The following TTN variants were observed in gnomAD, a reference collection of about 807,000 sequenced individuals.
TTN encodes the protein connectin.
A neutral mutation model predicts 3,223.0 loss-of-function variants in TTN; 1,525 were observed. The ratio of observed to expected loss-of-function variants is 0.47; its 90% CI spans 0.45 to 0.49. TTN has a LOEUF of 0.49. Ranked by LOEUF, TTN falls within the 20% of genes least tolerant of loss-of-function variation. TTN has a pLI of 0.00. For synonymous variants in TTN, 14,094 were observed against 15,161.0 expected (o/e 0.93, Z 5.17); for missense variants, 40,786 against 43,424.0 (o/e 0.94, Z 5.40).
At chr2:178,687,056 G>C (rs1023428689) in intron 127 of TTN, among the ~76,000 whole-genome samples, 1 of 152,172 alleles carries the variant, frequency 6.6e-6, no homozygotes, top group Non-Finnish European at 1.5e-5. Context: ...CCTATTCCAA[G>C]GCATTCCACT....
intron 43 of TTN, among the ~76,000 whole-genome samples, chr2:178,760,028 G>A (rs1188936801): frequency 6.6e-6 from 1 of 152,104 alleles, no homozygotes; most frequent in African/African-American, 2.4e-5. Flanking sequence ...CTTGTTTTTG[G>A]AGCACAGTCA....
chr2:178,751,888 A>C, intron 47 of TTN: 1 of 1,604,724 alleles, frequency 6.2e-7, no homozygotes, highest in Non-Finnish European at 8.5e-7. Context: ...GGGTAAAAGA[A>C]GGCTTAAAAT....
chr2:178,786,644 G>A (rs1034624723), intron 13 of TTN, among the ~76,000 whole-genome samples: 3 of 152,072 alleles, frequency 2.0e-5, no homozygotes, highest in Non-Finnish European at 4.4e-5. Context: ...CATGCAAATC[G>A]GACATAACAT....
rs774562694 is a variant in TTN, at chr2:178,532,977, G to C, written c.103638C>G (p.Arg34546=). 6.2e-7 allele frequency: 1 copy of C among 1,613,846 alleles called. No individual in the cohort carries two copies. Among genetic ancestry groups the C allele is most frequent in the Admixed American group, 1.7e-5 (1 of 60,006 alleles). ...CTTCTATGGTAGTCTGCTTATACTT[G>C]CGTGGCTCTGGTACATCATAAGGCA... ...LRMPYDVPEP[R]KYKQTTIEED... Residue 34546 remains arginine, a synonymous_variant, in exon 358 of 363, where the codon CGC becomes CGG. Transcript: ENST00000589042.
intron 353 of TTN, 28 bp from the exon 354 acceptor site, chr2:178,538,867 G>A (rs765175404): frequency 6.3e-7 from 1 of 1,582,700 alleles, no homozygotes; most frequent in Non-Finnish European, 8.6e-7. Context: ...AATGAAAAGG[G>A]AGTCAGCTTT....
chr2:178,640,696 A>G, intron 220 of TTN, 66 bp from the exon 221 acceptor site: 1 of 1,309,146 alleles, frequency 7.6e-7, no homozygotes, highest in Admixed American at 2.5e-5. Flanking sequence ...CATCTGAAAT[A>G]TCAATTTATT....
chr2:178,770,917 T>G (rs1180896621), intron 34 of TTN: 1 of 789,216 alleles, frequency 1.3e-6, no homozygotes, highest in Non-Finnish European at 2.2e-6. Flanking sequence ...TGCATAGCTA[T>G]GTATTAGCAG....
intron 47 of TTN, chr2:178,744,709 A>G (rs2083143183): frequency 1.0e-6 from 1 of 981,000 alleles, no homozygotes; most frequent in Non-Finnish European, 1.2e-6. Flanking sequence ...AATTTTAAAG[A>G]TTCTGAAATC....
In TTN at chr2:178,770,095, C is replaced by A; in HGVS notation, c.8606G>T (p.Gly2869Val). 1 of 1,614,122 alleles carries A rather than the reference C, an allele frequency of 6.2e-7. No homozygotes were observed. Among genetic ancestry groups the A allele is most frequent in the Non-Finnish European group, 8.5e-7 (1 of 1,180,016 alleles). Residue 2869 changes from glycine (G) to valine (V), a missense_variant, in exon 36 of 363, where the codon GGG becomes GTG. Gly to Val is a moderately radical substitution (Grantham distance 109). Coordinates refer to ENST00000589042, the MANE Select transcript of TTN (RefSeq NM_001267550.2). ...CAGTTTTGCTTTGCATTCCAATTGC[C>A]CGACCACAGCTGTGTATTCCCCAGC... ...SDAGEYTAVV[G>V]QLECKAKLFV... is the part of the protein sequence containing the mutation.
In TTN at chr2:178,530,256, C is replaced by A; in HGVS notation, c.106359G>T (p.Trp35453Cys). ...ATGEPRPTAI[W>C]TKDGKAITQG... ...AACTGGTTACCTTTCCATCTTTTGT[C>A]CAGATGGCAGTTGGCCGGGGTTCTC... The change falls in exon 358 of 363, where the codon TGG becomes TGT. Residue 35453 changes from tryptophan (W) to cysteine (C), a missense_variant. Trp to Cys is a radical substitution (Grantham distance 215, BLOSUM62 -2). Coordinates refer to ENST00000589042, the MANE Select transcript of TTN (RefSeq NM_001267550.2). The A allele has an allele frequency of 6.2e-7, 1 of 1,602,574 alleles. No individual in the cohort carries two copies. The highest frequency in any genetic ancestry group is 8.5e-7 in the Non-Finnish European group (1 of 1,173,756).
At chr2:178,782,695 A>C (rs2092887256) in intron 18 of TTN, 93 bp from the exon 19 acceptor site, 6 of 1,604,706 alleles carry the variant, frequency 3.7e-6, no homozygotes, top group Non-Finnish European at 8.5e-7. Flanking sequence ...TCTCCCCCCA[A>C]GTTCCAAAAA....
intron 167 of TTN, 38 bp from the exon 168 acceptor site, chr2:178,664,575 A>G: frequency 1.2e-6 from 2 of 1,605,008 alleles, no homozygotes; most frequent in Non-Finnish European, 1.7e-6. Context: ...TAGAAGTTAC[A>G]AGAATCAACA....
At position 178,673,812 on chromosome 2, in the gene TTN, A is replaced by G. The variant is rs1269424790; in HGVS notation, c.34709-102T>C. The G allele has an allele frequency of 1.1e-5, 9 of 839,364 alleles. No individual in the cohort carries two copies. The Admixed American group carries it at 2.2e-4, about 20-fold the overall frequency. The allele number at this position is 839,364 out of a possible 1,614,324, so 52.0% of individuals were successfully genotyped here. A position where few individuals can be genotyped will look rare whatever the true frequency, so the allele number is the denominator to read the frequency against. ...TATCACAAAACATTGACTTATTTTT[A>G]AAAGATATTAGCAACCTAAATGGTA... is the stretch of plus-strand genomic sequence containing the variant. On this transcript the variant is annotated intron_variant, in intron 151 of 362. Coordinates refer to ENST00000589042, the MANE Select transcript of TTN (RefSeq NM_001267550.2).
rs55991022 is a variant in TTN at position 178,572,900 on chromosome 2, G to T, written c.73232C>A (p.Ala24411Asp). ...AGCCTTTGGAGTTCCAGGAACAAGG[G>T]CAGGTTCCCCAAGTCCTTCGGAATT... ...AMNSEGLGEP[A>D]LVPGTPKAED... Residue 24411 changes from alanine (A) to aspartate (D), a missense_variant, in exon 326 of 363, where the codon GCC becomes GAC. By Grantham distance (126) the Ala-to-Asp change is moderately radical (BLOSUM62 -2). Coordinates refer to ENST00000589042, the MANE Select transcript of TTN (RefSeq NM_001267550.2). 1.5e-5 allele frequency: 24 copies of T among 1,613,366 alleles called. No homozygotes were observed. Among genetic ancestry groups the T allele is most frequent in the Non-Finnish European group, 1.9e-5 (22 of 1,179,586 alleles).
rs768490325 is a variant in TTN, at chr2:178,607,064, G to A, written c.53538C>T (p.Gly17846=). 1.2e-6 allele frequency: 2 copies of A among 1,611,774 alleles called. No homozygotes were observed. Among genetic ancestry groups the A allele is most frequent in the East Asian group, 4.5e-5 (2 of 44,720 alleles). ...GAATTGGTCCTATTTCAACAGGAGG[G>A]CCACAGCCAAACTTGTTCTTGGCAA... ...RVIAKNKFGC[G]PPVEIGPILA... is the part of the protein sequence containing the mutation. The change falls in exon 278 of 363, where the codon GGC becomes GGT. Residue 17846 remains glycine (G), a synonymous_variant. Transcript: ENST00000589042.
rs771994374 is a variant in TTN at position 178,593,176 on chromosome 2, T to C, written c.59032A>G (p.Ile19678Val). The C allele has an allele frequency of 1.1e-5, 17 of 1,612,986 alleles. No homozygotes were observed. The highest frequency in any genetic ancestry group is 4.5e-5 in the East Asian group (2 of 44,730). The change falls in exon 299 of 363, where the codon ATT becomes GTT. Residue 19678 changes from isoleucine (I) to valine (V), a missense_variant. Transcript: ENST00000589042. ...PSKPVFAKDPIAKPSPPVNPE... is the reference protein window; with the variant it reads ...PSKPVFAKDPVAKPSPPVNPE... ...AATAAATCCATTAATACTATACCAA[T>C]TGGATCTTTAGCAAAGACTGGTTTG...
chr2:178,638,787 T>C (rs921581603), intron 223 of TTN, among the ~76,000 whole-genome samples: 4 of 152,012 alleles, frequency 2.6e-5, no homozygotes, highest in African/African-American at 9.7e-5. Flanking sequence ...AAAAAATAAT[T>C]TCAACTTTTA....
At position 178,689,298 on chromosome 2, in the gene TTN, G is replaced by A. The variant is rs753808404; in HGVS notation, c.32003C>T (p.Pro10668Leu). 9.3e-6 allele frequency: 15 copies of A among 1,611,526 alleles called. No individual in the cohort carries two copies. The highest frequency in any genetic ancestry group is 1.0e-5 in the Non-Finnish European group (12 of 1,179,368). ...VPRKEEEVPPPPKVPALPKKP... is the reference protein window; with the variant it reads ...VPRKEEEVPPLPKVPALPKKP... The stretch of plus-strand genomic sequence containing the variant: ...AGATGGAGAAACAATACCTTTTGGT[G>A]GTGGTGGAACTTCTTCCTCCTTCCG... The change falls in exon 124 of 363, where the codon CCA (proline) becomes CTA (leucine). Residue 10668 changes from proline (P) to leucine (L), a missense_variant. Coordinates refer to ENST00000589042, the MANE Select transcript of TTN (RefSeq NM_001267550.2).
chr2:178,728,126 G>A lies in TTN; in HGVS notation c.19698C>T (p.Gly6566=), dbSNP rs72648956. 25 of 1,579,474 alleles carry A rather than the reference G, an allele frequency of 1.6e-5. No homozygotes were observed. The highest frequency in any genetic ancestry group is 1.9e-5 in the Non-Finnish European group (22 of 1,163,122). Residue 6566 remains glycine (G), a synonymous_variant, in exon 67 of 363, where the codon GGC becomes GGT. Coordinates refer to ENST00000589042, the MANE Select transcript of TTN (RefSeq NM_001267550.2). The part of the protein sequence containing the change: ...SNVAGDDACS[G]ILTVKEPPSF... ...AATTCTAACCTTTCACAGTTAAGAT[G>A]CCACTGCATGCATCATCTCCTGCTA...
Sources: gnomAD v4.1 joint callset for allele counts (sites outside exome capture counted in the v4.1 genomes callset) on GRCh38, gnomAD v4.1.1 for gene constraint, MANE v1.5 for transcripts, NCBI Gene and HGNC (gene_info 2026-07-23, HGNC 2026-07-21) for gene names.